RPS6KA2: variants seen among roughly 807,000 people sequenced by gnomAD.
RPS6KA2 encodes ribosomal protein S6 kinase A2.
A neutral mutation model predicts 91.8 loss-of-function variants in RPS6KA2; 42 were observed. The ratio of observed to expected loss-of-function variants is 0.46; its 90% CI spans 0.36 to 0.59. RPS6KA2 has a LOEUF of 0.59. RPS6KA2 is among the 20% of genes least tolerant of loss of function. The probability of loss-of-function intolerance (pLI) is 0.00; values close to 1 mark genes in which losing one functional copy is unlikely to be tolerated. For missense variants in RPS6KA2, 798 were observed against 978.5 expected, an observed-to-expected ratio of 0.82 and a Z score of 2.46; for synonymous variants, 414 against 393.6, an observed-to-expected ratio of 1.05 and a Z score of -0.61.
chr6:166,429,275 G>A (rs936830432), intron 16 of RPS6KA2, among the ~76,000 whole-genome samples: 4 of 133,554 alleles, frequency 3.0e-5, no homozygotes, highest in Non-Finnish European at 6.3e-5. Flanking sequence ...ATCATACTCT[G>A]GGGACTGTTG....
chr6:166,633,475 C>T (rs549031343), intron 2 of RPS6KA2, among the ~76,000 whole-genome samples: 3 of 152,314 alleles, frequency 2.0e-5, no homozygotes, highest in South Asian at 2.1e-4. Context: ...GCAGCCAAAC[C>T]GCTTTGAGGC....
At chr6:166,685,976 G>A (rs1187780518) in intron 2 of RPS6KA2, among the ~76,000 whole-genome samples, 1 of 152,234 alleles carries the variant, frequency 6.6e-6, no homozygotes, top group East Asian at 1.9e-4. Context: ...GAACGAAGGG[G>A]CTGAGACGAA....
intron 2 of RPS6KA2, among the ~76,000 whole-genome samples, chr6:166,756,848 A>AAAAAT (rs1238076742): frequency 1.3e-5 from 2 of 152,224 alleles, no homozygotes; most frequent in Non-Finnish European, 2.9e-5. Context: ...CTCCGTCTCA[A>AAAAAT]AAAATAAAAT....
At chr6:166,587,133 A>AT (rs1785200968) in intron 1 of RPS6KA2, among the ~76,000 whole-genome samples, 1 of 152,254 alleles carries the variant, frequency 6.6e-6, no homozygotes, top group African/African-American at 2.4e-5. Context: ...GAACCCTGAC[A>AT]TTAGACTAAC....
intron 12 of RPS6KA2, among the ~76,000 whole-genome samples, chr6:166,455,320 C>T (rs1460684791): frequency 2.0e-5 from 3 of 152,114 alleles, no homozygotes; most frequent in Non-Finnish European, 4.4e-5. Flanking sequence ...CCCCACGCCG[C>T]GTGGGCCTCT....
At chr6:166,741,331 C>G (rs748476586) in intron 2 of RPS6KA2, among the ~76,000 whole-genome samples, 1 of 152,154 alleles carries the variant, frequency 6.6e-6, no homozygotes, top group Non-Finnish European at 1.5e-5. Context: ...ACAAAGGGAA[C>G]GTCAGCTTTA....
Position 166,459,944 on chromosome 6 carries a change from GT to G in RPS6KA2, c.973-394del, listed in dbSNP as rs1282452651. Among the ~76,000 whole-genome samples, 1 of 152,190 alleles carries G rather than the reference GT, an allele frequency of 6.6e-6. No homozygotes were observed. The highest frequency in any genetic ancestry group is 1.5e-5 in the Non-Finnish European group (1 of 68,028). On this transcript the variant is annotated intron_variant, in intron 11 of 20. Coordinates refer to ENST00000265678, the MANE Select transcript of RPS6KA2 (RefSeq NM_021135.6). The surrounding 1 kb of genome is among the most constrained non-coding windows in gnomAD (Gnocchi z 4.9). Reference sequence around the variant, plus strand: ...CCACTTGCCCCCACTGGGGACAGCAGTGAAGAGGCCGTGTGGCTCTCTCCTC... The same window carrying G: ...CCACTTGCCCCCACTGGGGACAGCAGGAAGAGGCCGTGTGGCTCTCTCCTC...
intron 2 of RPS6KA2, among the ~76,000 whole-genome samples, chr6:166,695,063 G>A (rs965717779): frequency 2.6e-5 from 4 of 152,180 alleles, no homozygotes; most frequent in Admixed American, 6.5e-5. Flanking sequence ...CTAATATTCC[G>A]GTGGAGAAAA....
chr6:166,524,019 G>C (rs1214890087), intron 3 of RPS6KA2, among the ~76,000 whole-genome samples: 1 of 152,140 alleles, frequency 6.6e-6, no homozygotes, highest in African/African-American at 2.4e-5. Context: ...TGACATGTTG[G>C]CAAGCTCGGA....
chr6:166,728,703 G>A (rs148143596), intron 2 of RPS6KA2, among the ~76,000 whole-genome samples: 105 of 152,258 alleles, frequency 6.9e-4, no homozygotes, highest in Middle Eastern at 6.8e-3. Context: ...TCAATACCAC[G>A]TGCTTACTTT....
Position 166,448,708 on chromosome 6 carries a change from A to C in RPS6KA2, c.1332+16T>G, listed in dbSNP as rs948094830. The C allele has an allele frequency of 5.0e-6, 8 of 1,602,900 alleles. No homozygotes were observed. In the African/African-American group the frequency reaches 8.0e-5, roughly 16 times the overall value. On this transcript the variant is annotated intron_variant, in intron 14 of 20. Transcript: ENST00000265678. This position sits in a 1 kb window ranked among gnomAD's most constrained non-coding sequence, Gnocchi z 4.7. ...CACTCACACAGGGCCCTGCTCACTC[A>C]GCAGGCCTGCCTTACCTTCACGGCA...
At chr6:166,661,258 G>A (rs905950995) in intron 2 of RPS6KA2, among the ~76,000 whole-genome samples, 2 of 151,994 alleles carry the variant, frequency 1.3e-5, no homozygotes, top group African/African-American at 2.4e-5. Context: ...CCATCATCAC[G>A]CATGGCTAAT....
chr6:166,814,158 C>A (rs1779706022), intron 2 of RPS6KA2, among the ~76,000 whole-genome samples: 1 of 152,038 alleles, frequency 6.6e-6, no homozygotes, highest in African/African-American at 2.4e-5. Context: ...ATTAGGATAC[C>A]ACATGGATGA....
chr6:166,735,080 C>G (rs1157239160), intron 2 of RPS6KA2, among the ~76,000 whole-genome samples: 2 of 152,178 alleles, frequency 1.3e-5, no homozygotes, highest in Non-Finnish European at 2.9e-5. Context: ...AAGTTTCCAT[C>G]AAACTTGGAG....
In RPS6KA2 at chr6:166,635,188, A is replaced by G. The variant is rs1787195006; in HGVS notation, c.124-96404T>C. On this transcript the variant is annotated intron_variant, in intron 2 of 21. Coordinates refer to the RPS6KA2 transcript ENST00000503859. The surrounding 1 kb of genome is among the most constrained non-coding windows in gnomAD (Gnocchi z 4.8). ...TCTCTCCCACGTACACCTTGGCATG[A>G]ATGAGTTAGAGAACCACGGCAGGAG... is the stretch of plus-strand genomic sequence containing the variant. 6.6e-6 allele frequency among the ~76,000 whole-genome samples: 1 copy of G among 152,224 alleles called. No homozygotes were observed. The highest frequency in any genetic ancestry group is 1.5e-5 in the Non-Finnish European group (1 of 68,032).
intron 11 of RPS6KA2, among the ~76,000 whole-genome samples, chr6:166,466,873 C>T (rs1413799612): frequency 6.6e-6 from 1 of 151,780 alleles, no homozygotes; most frequent in African/African-American, 2.4e-5. Flanking sequence ...CTTACTCATT[C>T]ACTCACTCAC....
intron 2 of RPS6KA2, among the ~76,000 whole-genome samples, chr6:166,705,997 G>A (rs776345234): frequency 2.8e-4 from 43 of 152,320 alleles, no homozygotes; most frequent in Non-Finnish European, 5.1e-4. Context: ...CACCACGTGA[G>A]GACTTGGCAA....
At chr6:166,469,181 C>A (rs1375872701) in intron 11 of RPS6KA2, among the ~76,000 whole-genome samples, 1 of 152,176 alleles carries the variant, frequency 6.6e-6, no homozygotes. Context: ...CAGAAATAGG[C>A]AATTGACACT....
intron 1 of RPS6KA2, among the ~76,000 whole-genome samples, chr6:166,576,995 G>A (rs1445777322): frequency 6.6e-6 from 1 of 152,198 alleles, no homozygotes; most frequent in African/African-American, 2.4e-5. Flanking sequence ...CACTCCAGCT[G>A]TGACTAAAAG....
Sources: allele counts gnomAD v4.1 joint callset (sites outside exome capture counted in the v4.1 genomes callset), GRCh38; gene constraint gnomAD v4.1.1; non-coding constraint Gnocchi (gnomAD v3.1); transcripts MANE v1.5; gene names NCBI Gene and HGNC (gene_info 2026-07-23, HGNC 2026-07-21).